PARP16: variants seen among roughly 807,000 people sequenced by gnomAD.
PARP16 encodes the protein protein mono-ADP-ribosyltransferase PARP16.
A neutral mutation model predicts 35.0 loss-of-function variants in PARP16; 31 were observed. The observed-to-expected ratio is 0.88, with a 90% CI of 0.66 to 1.19. The LOEUF is 1.19. Ranked by LOEUF, PARP16 falls within the 50% of genes most tolerant of loss-of-function variation. PARP16 has a pLI of 0.00. For synonymous variants in PARP16, 162 were observed against 169.5 expected (o/e 0.96, Z 0.34); for missense variants, 424 against 411.2 (o/e 1.03, Z -0.27).
rs113819873 is a variant in PARP16 at position 65,283,773 on chromosome 15, C to G, written c.174+2480G>C. ...CCTCTCCACGGGTTAATCCTGTATC[C>G]TTAGCACCTGTCCCATAGCAAACAC... is the stretch of plus-strand genomic sequence containing the variant. On this transcript the variant is annotated intron_variant, in intron 1 of 5. Coordinates refer to ENST00000649807, the MANE Select transcript of PARP16 (RefSeq NM_001316943.2). 6.8e-3 allele frequency among the ~76,000 whole-genome samples: 1,038 copies of G among 152,258 alleles called. 11 individuals carry two copies. The highest frequency in any genetic ancestry group is 0.024 in the African/African-American group (1,000 of 41,552).
chr15:65,267,215 T>C (rs1050358573), intron 2 of PARP16, among the ~76,000 whole-genome samples: 2 of 152,074 alleles, frequency 1.3e-5, no homozygotes, highest in African/African-American at 4.8e-5. Context: ...TACTCCAGAC[T>C]GGGCAACAAG....
rs1287126836 is a variant in PARP16, at chr15:65,259,425, C to G, written c.951G>C (p.Trp317Cys). The G allele has an allele frequency of 2.5e-6, 4 of 1,614,108 alleles. No homozygotes were observed. Among genetic ancestry groups the G allele is most frequent in the Non-Finnish European group, 3.4e-6 (4 of 1,180,008 alleles). ...AGAAAGATTATCTTTTCGCACGATT[C>G]CAAAAGTGTTGGAAAGCAGAGGAGT... ...VINSSAFQHF[W>C]NRAKR Residue 317 changes from tryptophan (W) to cysteine (C), a missense_variant, in exon 6 of 6, where the codon TGG (tryptophan) becomes TGC (cysteine). Physicochemically the swap from Trp to Cys is radical, Grantham distance 215. Transcript: ENST00000649807.
At chr15:65,246,059 G>A (rs2089201261) in intron 3 of PARP16, among the ~76,000 whole-genome samples, 1 of 152,000 alleles carries the variant, frequency 6.6e-6, no homozygotes, top group Admixed American at 6.6e-5. Context: ...ACCCATGTTG[G>A]GGATGGCCAT....
At chr15:65,270,871 A>T in intron 2 of PARP16, 64 bp downstream of exon 2, 1 of 1,531,316 alleles carries the variant, frequency 6.5e-7, no homozygotes, top group Non-Finnish European at 9.0e-7. Flanking sequence ...GAGCCACTGG[A>T]TTCAGTGCTG....
intron 5 of PARP16, among the ~76,000 whole-genome samples, chr15:65,260,087 G>A (rs904156913): frequency 1.3e-5 from 2 of 152,120 alleles, no homozygotes; most frequent in Non-Finnish European, 2.9e-5. Context: ...ATGTCACCTG[G>A]ACCCAGGCAC....
chr15:65,247,992 G>A (rs566074623), intron 3 of PARP16: 12 of 342,026 alleles, frequency 3.5e-5, no homozygotes, highest in South Asian at 1.8e-4. Context: ...TTTTAGTAGA[G>A]GTGGGGTTTC....
chr15:65,244,944 G>C (rs2089169633), intron 3 of PARP16, among the ~76,000 whole-genome samples: 1 of 152,216 alleles, frequency 6.6e-6, no homozygotes, highest in African/African-American at 2.4e-5. Context: ...CAACTGCAAA[G>C]CCAGGCCAGG....
chr15:65,255,859 G>A (rs2089492209), downstream of PARP16, among the ~76,000 whole-genome samples: 1 of 151,796 alleles, frequency 6.6e-6, no homozygotes, highest in South Asian at 2.1e-4. Context: ...TAATGTGACA[G>A]CAGAGTCAAG....
At chr15:65,233,684 C>T (rs971229347), downstream of PARP16, among the ~76,000 whole-genome samples, 3 of 150,522 alleles carry the variant, frequency 2.0e-5, no homozygotes, top group South Asian at 2.1e-4. Flanking sequence ...TGCAGTGAGC[C>T]GGGACTATGC....
At chr15:65,273,509 A>G (rs1403416524) in intron 1 of PARP16, among the ~76,000 whole-genome samples, 2 of 151,814 alleles carry the variant, frequency 1.3e-5, no homozygotes, top group Non-Finnish European at 1.5e-5. Context: ...AAAATAAATA[A>G]ATGAAATTAA....
intron 2 of PARP16, among the ~76,000 whole-genome samples, chr15:65,252,518 G>T (rs2089387444): frequency 6.6e-6 from 1 of 152,184 alleles, no homozygotes; most frequent in Non-Finnish European, 1.5e-5. Context: ...TGACCCACCA[G>T]TGGACAGTTT....
At chr15:65,261,631 T>G (rs1290922398) in intron 4 of PARP16, among the ~76,000 whole-genome samples, 2 of 151,840 alleles carry the variant, frequency 1.3e-5, no homozygotes, top group African/African-American at 2.4e-5. Flanking sequence ...AATTTTTGTA[T>G]TTTTAGTAGA....
intron 1 of PARP16, among the ~76,000 whole-genome samples, chr15:65,281,691 CAA>C (rs139769806): frequency 6.9e-5 from 8 of 115,678 alleles, no homozygotes; most frequent in East Asian, 2.3e-4. Context: ...AACTCCATCT[CAA>C]AAAAAAAAAA....
intron 1 of PARP16, among the ~76,000 whole-genome samples, chr15:65,275,715 G>C (rs1345182402): frequency 6.6e-6 from 1 of 152,112 alleles, no homozygotes; most frequent in Non-Finnish European, 1.5e-5. Flanking sequence ...TGTTCTGTAG[G>C]TTATACAGAG....
chr15:65,247,857 T>C (rs1040566598), intron 3 of PARP16, among the ~76,000 whole-genome samples: 1 of 143,452 alleles, frequency 7.0e-6, no homozygotes, highest in Non-Finnish European at 1.5e-5. Context: ...TAGGCTGGAG[T>C]GCAGTGGCGC....
intron 3 of PARP16, among the ~76,000 whole-genome samples, chr15:65,237,117 C>A (rs910416287): frequency 6.6e-6 from 1 of 151,600 alleles, no homozygotes; most frequent in South Asian, 2.1e-4. Flanking sequence ...CTGAGTCAGG[C>A]CTGGGAGGGC....
intron 3 of PARP16, among the ~76,000 whole-genome samples, chr15:65,245,196 G>A (rs759330943): frequency 6.6e-6 from 1 of 152,238 alleles, no homozygotes; most frequent in Non-Finnish European, 1.5e-5. Context: ...GGAAGAGCCT[G>A]TGGGGGAGGC....
chr15:65,249,466 G>A (rs2089295667), intron 2 of PARP16, among the ~76,000 whole-genome samples: 1 of 152,216 alleles, frequency 6.6e-6, no homozygotes, highest in Non-Finnish European at 1.5e-5. Context: ...GGGGACTCAG[G>A]AGAAATGTCT....
intron 2 of PARP16, among the ~76,000 whole-genome samples, 194 bp downstream of exon 2, chr15:65,270,741 T>C (rs2090068075): frequency 6.6e-6 from 1 of 152,150 alleles, no homozygotes. Flanking sequence ...TTCAGCTTTG[T>C]ACAGCCAGTG....
Sources: gnomAD v4.1 joint callset for allele counts (sites outside exome capture counted in the v4.1 genomes callset) on GRCh38, gnomAD v4.1.1 for gene constraint, MANE v1.5 for transcripts, NCBI Gene and HGNC (gene_info 2026-07-23, HGNC 2026-07-21) for gene names.